Variants in PCDHGA10 observed in about 807,000 individuals in gnomAD.
PCDHGA10 encodes protocadherin gamma-A10.
Under a neutral mutation model 59.5 loss-of-function variants are expected in PCDHGA10, and 42 were observed. The observed-to-expected ratio is 0.71, with a 90% CI of 0.55 to 0.91. The LOEUF is 0.91. Ranked by LOEUF, PCDHGA10 falls within the 40% of genes least tolerant of loss-of-function variation. The pLI is 0.00. For synonymous variants in PCDHGA10, 511 were observed against 517.2 expected, an observed-to-expected ratio of 0.99 and a Z score of 0.16; for missense variants, 1,111 against 1,198.2, an observed-to-expected ratio of 0.93 and a Z score of 1.07.
In PCDHGA10 at chr5:141,431,129, A is replaced by G. The variant is rs771219303; in HGVS notation, c.2436+15518A>G. The G allele has an allele frequency of 7.4e-6, 12 of 1,614,152 alleles. No homozygotes were observed. The Admixed American group carries it at 1.7e-4, about 22-fold the overall frequency. Reference sequence around the variant, plus strand: ...AATATATGGAGTAGAAGTAGAAGTAAGGGACATTAACGACAATGCGCCTTA... The same window carrying G: ...AATATATGGAGTAGAAGTAGAAGTAGGGGACATTAACGACAATGCGCCTTA... On this transcript the variant is annotated intron_variant, in intron 1 of 3. Coordinates refer to ENST00000398610, the MANE Select transcript of PCDHGA10 (RefSeq NM_018913.3). The surrounding 1 kb of genome is among the most constrained non-coding windows in gnomAD (Gnocchi z 4.8).
intron 1 of PCDHGA10, among the ~76,000 whole-genome samples, chr5:141,464,286 A>AT (rs1453289283): frequency 6.6e-6 from 1 of 151,420 alleles, no homozygotes; most frequent in African/African-American, 2.4e-5. Flanking sequence ...AAGCAAAAAA[A>AT]AAAACTCCAT....
chr5:141,494,076 G>A (rs538740530), intron 1 of PCDHGA10, among the ~76,000 whole-genome samples: 24 of 152,234 alleles, frequency 1.6e-4, no homozygotes, highest in African/African-American at 4.3e-4. Flanking sequence ...ATCCCTCCCC[G>A]CTGCATCCCT....
chr5:141,490,956 A>T lies in PCDHGA10; in HGVS notation c.2437-3851A>T. 1.2e-6 allele frequency: 2 copies of T among 1,613,828 alleles called. No homozygotes were observed. The highest frequency in any genetic ancestry group is 1.7e-6 in the Non-Finnish European group (2 of 1,179,852). ...TGCTGCACCCACGGCCAGACTGGGA[A>T]CACTCAGCCCCCCAGCGTCTCCCTC... On this transcript the variant is annotated intron_variant, in intron 1 of 3. Transcript: ENST00000398610. The surrounding 1 kb of genome is among the most constrained non-coding windows in gnomAD (Gnocchi z 5.4).
At chr5:141,428,220 C>T (rs1228544858) in intron 1 of PCDHGA10, 1 of 1,178,786 alleles carries the variant, frequency 8.5e-7, no homozygotes. Flanking sequence ...ACCTAGTCTT[C>T]GCAGACAGCC....
At chr5:141,433,091 A>C in intron 1 of PCDHGA10, 1 of 1,614,182 alleles carries the variant, frequency 6.2e-7, no homozygotes, top group Non-Finnish European at 8.5e-7. Flanking sequence ...CTATGCAGAC[A>C]TGCTCGTCAG....
In PCDHGA10 at chr5:141,476,288, C is replaced by A. The variant is rs1446743849; in HGVS notation, c.2437-18519C>A. 3.1e-6 allele frequency: 5 copies of A among 1,613,980 alleles called. No homozygotes were observed. The highest frequency in any genetic ancestry group is 3.4e-6 in the Non-Finnish European group (4 of 1,180,026). ...CGTGGTCGCGAACCTTGGTTTGGAT[C>A]TCGGTAGCCTCTCAGCCCGCAGGTT... On this transcript the variant is annotated intron_variant, in intron 1 of 3. Coordinates refer to ENST00000398610, the MANE Select transcript of PCDHGA10 (RefSeq NM_018913.3). This position sits in a 1 kb window ranked among gnomAD's most constrained non-coding sequence, Gnocchi z 7.6.
At chr5:141,472,040 G>T (rs1431219928) in intron 1 of PCDHGA10, among the ~76,000 whole-genome samples, 4 of 152,018 alleles carry the variant, frequency 2.6e-5, no homozygotes, top group Non-Finnish European at 5.9e-5. Flanking sequence ...GCTGTGAAAA[G>T]ATTTTAAAAA....
intron 1 of PCDHGA10, among the ~76,000 whole-genome samples, chr5:141,473,366 A>T (rs1292258135): frequency 1.3e-5 from 2 of 152,202 alleles, no homozygotes; most frequent in Non-Finnish European, 2.9e-5. Context: ...GGCCACCAAA[A>T]TAGCATGGTC....
intron 1 of PCDHGA10, among the ~76,000 whole-genome samples, chr5:141,453,095 G>T (rs1254113352): frequency 6.6e-6 from 1 of 151,962 alleles, no homozygotes; most frequent in African/African-American, 2.4e-5. Flanking sequence ...TATATTTTCT[G>T]TTGCTTTTTT....
chr5:141,490,130 C>A lies in PCDHGA10; in HGVS notation c.2437-4677C>A, dbSNP rs535362535. On this transcript the variant is annotated intron_variant, in intron 1 of 3. Coordinates refer to ENST00000398610, the MANE Select transcript of PCDHGA10 (RefSeq NM_018913.3). The surrounding 1 kb of genome is among the most constrained non-coding windows in gnomAD (Gnocchi z 5.4). ...GTGCGGAACCTCTTTGGCCTAGACC[C>A]TAGCAGTGGGGCAATCCATGTGTTG... 11 of 1,614,242 alleles carry A rather than the reference C, an allele frequency of 6.8e-6. No individual in the cohort carries two copies. In the African/African-American group the frequency reaches 1.3e-4, roughly 20 times the overall value.
At chr5:141,483,082 C>T (rs2099576709) in intron 1 of PCDHGA10, among the ~76,000 whole-genome samples, 1 of 151,662 alleles carries the variant, frequency 6.6e-6, no homozygotes, top group African/African-American at 2.4e-5. Flanking sequence ...GAGACTCCAT[C>T]TCAAAAAAAA....
chr5:141,419,370 A>T, intron 1 of PCDHGA10: 1 of 1,613,692 alleles, frequency 6.2e-7, no homozygotes, highest in Non-Finnish European at 8.5e-7. Context: ...CTGTCGTCCT[A>T]CGTGTCCGTG....
At chr5:141,435,314 G>T (rs1490871069) in intron 1 of PCDHGA10, among the ~76,000 whole-genome samples, 6 of 152,006 alleles carry the variant, frequency 3.9e-5, no homozygotes, top group African/African-American at 9.7e-5. Flanking sequence ...AATCATTCAT[G>T]AACTTCCAAA....
rs1340366910 is a variant in PCDHGA10 at position 141,490,965 on chromosome 5, C to T, written c.2437-3842C>T. The T allele has an allele frequency of 2.5e-6, 4 of 1,613,738 alleles. No homozygotes were observed. The highest frequency in any genetic ancestry group is 2.7e-5 in the African/African-American group (2 of 74,934). On this transcript the variant is annotated intron_variant, in intron 1 of 3. Transcript: ENST00000398610. This position sits in a 1 kb window ranked among gnomAD's most constrained non-coding sequence, Gnocchi z 5.4. Reference sequence around the variant, plus strand: ...CACGGCCAGACTGGGAACACTCAGCCCCCCAGCGTCTCCCTCGCTCTGCTC... The same window carrying T: ...CACGGCCAGACTGGGAACACTCAGCTCCCCAGCGTCTCCCTCGCTCTGCTC...
rs2099391747 is a variant in PCDHGA10 at position 141,476,440 on chromosome 5, G to A, written c.2437-18367G>A. Reference sequence around the variant, plus strand: ...CACTGCCCTCTTGCACTGTAACTCTGGAGTTGGTAGTGGAGAACCCGCTGG... The same window carrying A: ...CACTGCCCTCTTGCACTGTAACTCTAGAGTTGGTAGTGGAGAACCCGCTGG... On this transcript the variant is annotated intron_variant, in intron 1 of 3. Transcript: ENST00000398610. The surrounding 1 kb of genome is among the most constrained non-coding windows in gnomAD (Gnocchi z 7.6). 1.2e-6 allele frequency: 2 copies of A among 1,613,998 alleles called. No individual in the cohort carries two copies. Among genetic ancestry groups the A allele is most frequent in the African/African-American group, 2.7e-5 (2 of 74,902 alleles).
chr5:141,478,927 C>T (rs2154577116), intron 1 of PCDHGA10: 2 of 690,162 alleles, frequency 2.9e-6, no homozygotes, highest in East Asian at 6.0e-5. Flanking sequence ...TAACCAGTGG[C>T]AGCTTCTAGG....
rs748660721 is a variant in PCDHGA10 at position 141,485,346 on chromosome 5, G to A, written c.2437-9461G>A. The A allele has an allele frequency of 1.2e-6, 2 of 1,614,178 alleles. No individual in the cohort carries two copies. Among genetic ancestry groups the A allele is most frequent in the South Asian group, 2.2e-5 (2 of 91,088 alleles). ...CAAGATTTCCTGCTGGATACGGACA[G>A]TCTGTCAGCTCGCAGGCTGCAGGTC... On this transcript the variant is annotated intron_variant, in intron 1 of 3. Transcript: ENST00000398610. This position sits in a 1 kb window ranked among gnomAD's most constrained non-coding sequence, Gnocchi z 5.7.
chr5:141,450,831 T>TATTA (rs761717068), intron 1 of PCDHGA10, among the ~76,000 whole-genome samples: 2 of 144,580 alleles, frequency 1.4e-5, no homozygotes, highest in South Asian at 2.2e-4. Flanking sequence ...TTATTATTAT[T>TATTA]TTTTTTTTTT....
At chr5:141,449,252 T>C (rs1401555556) in intron 1 of PCDHGA10, among the ~76,000 whole-genome samples, 1 of 152,144 alleles carries the variant, frequency 6.6e-6, no homozygotes, top group Non-Finnish European at 1.5e-5. Flanking sequence ...GTTGCAAGAA[T>C]TGTACAAAGA....
Sources: gnomAD v4.1 joint callset for allele counts (sites outside exome capture counted in the v4.1 genomes callset) on GRCh38, gnomAD v4.1.1 for gene constraint, Gnocchi (gnomAD v3.1) non-coding constraint, MANE v1.5 for transcripts, NCBI Gene and HGNC (gene_info 2026-07-23, HGNC 2026-07-21) for gene names.